Variants in PDE1C observed in about 807,000 individuals in gnomAD.
PDE1C encodes dual specificity calcium/calmodulin-dependent 3',5'-cyclic nucleotide phosphodiesterase 1C.
In PDE1C, 62 loss-of-function variants were observed where a neutral mutation model predicts 93.1. That is an observed-to-expected ratio of 0.67 (90% CI 0.54 to 0.82). The LOEUF (loss-of-function observed/expected upper bound fraction) is 0.82, where lower values mean the gene tolerates loss of function less well. Among genes scored for constraint, PDE1C ranks in the 40% least tolerant of loss-of-function variants. PDE1C has a pLI of 0.00. For synonymous variants in PDE1C, 325 were observed against 310.1 expected (o/e 1.05, Z -0.50); for missense variants, 742 against 884.6 (o/e 0.84, Z 2.04).
chr7:31,935,819 C>T (rs529858760), intron 2 of PDE1C, among the ~76,000 whole-genome samples: 32 of 151,818 alleles, frequency 2.1e-4, no homozygotes, highest in African/African-American at 6.3e-4. Context: ...CAGGGTCTAA[C>T]GTCACCAAGC....
intron 12 of PDE1C, among the ~76,000 whole-genome samples, chr7:31,825,595 T>A (rs1789551371): frequency 6.6e-6 from 1 of 152,144 alleles, no homozygotes; most frequent in African/African-American, 2.4e-5. Flanking sequence ...TTTTTAAATG[T>A]TCTTTGGAAA....
At chr7:31,630,264 A>G in the PDE1C span, among the ~76,000 whole-genome samples, 1 of 147,828 alleles carries the variant, frequency 6.8e-6, no homozygotes, top group African/African-American at 2.5e-5. Flanking sequence ...AAAAAAAAAC[A>G]TTGAAAATTA....
chr7:31,799,546 T>C lies in PDE1C; in HGVS notation c.1891+9485A>G, dbSNP rs544300897. On this transcript the variant is annotated intron_variant, in intron 16 of 17. Coordinates refer to ENST00000396191, the MANE Select transcript of PDE1C (RefSeq NM_001191057.4). ...CCATTTCAAACTAACTTGTTAGGAA[T>C]CATCTATTTTTTAAAAAATTAAAAA... Among the ~76,000 whole-genome samples, 207 of 151,804 alleles carry C rather than the reference T, an allele frequency of 1.4e-3. 2 individuals are homozygous for C. Among genetic ancestry groups the C allele is most frequent in the Middle Eastern group, 3.4e-3 (1 of 294 alleles).
the PDE1C span, among the ~76,000 whole-genome samples, chr7:31,712,547 C>T: frequency 3.9e-5 from 6 of 152,212 alleles, no homozygotes; most frequent in Non-Finnish European, 8.8e-5. Flanking sequence ...TCAAATCCTC[C>T]TACTCTCAGG....
chr7:31,796,495 T>TA (rs1263447675), intron 16 of PDE1C, among the ~76,000 whole-genome samples: 1 of 151,660 alleles, frequency 6.6e-6, no homozygotes, highest in Non-Finnish European at 1.5e-5. Flanking sequence ...TAAAAGTATA[T>TA]AAAAAATGCA....
chr7:32,252,146 T>C (rs1379242098), intron 1 of PDE1C, among the ~76,000 whole-genome samples: 2 of 152,258 alleles, frequency 1.3e-5, no homozygotes, highest in Admixed American at 1.3e-4. Flanking sequence ...CTCTCTGACC[T>C]GCTTACTTTT....
intron 5 of PDE1C, 35 bp downstream of exon 5, chr7:31,877,934 AC>A (rs955114817): frequency 7.2e-7 from 1 of 1,388,230 alleles, no homozygotes; most frequent in African/African-American, 1.4e-5. Context: ...TTTATTAGGT[AC>A]CATGTACATT....
At chr7:31,755,395 A>G (rs373265655) in intron 17 of PDE1C, among the ~76,000 whole-genome samples, 1 of 152,166 alleles carries the variant, frequency 6.6e-6, no homozygotes, top group African/African-American at 2.4e-5. Context: ...AAGTCACTAC[A>G]AATCTAGAAG....
intron 2 of PDE1C, among the ~76,000 whole-genome samples, chr7:31,901,327 G>A (rs1171447486): frequency 4.0e-5 from 6 of 151,344 alleles, no homozygotes; most frequent in Non-Finnish European, 5.9e-5. Flanking sequence ...ACAAAAATAA[G>A]TATCTTCCCA....
chr7:32,250,514 C>T (rs1204656324), intron 1 of PDE1C, among the ~76,000 whole-genome samples: 1 of 152,210 alleles, frequency 6.6e-6, no homozygotes, highest in African/African-American at 2.4e-5. Context: ...ACAAACCACA[C>T]TTTGAGAAAC....
At chr7:31,935,127 T>G (rs1295832231) in intron 2 of PDE1C, among the ~76,000 whole-genome samples, 1 of 152,152 alleles carries the variant, frequency 6.6e-6, no homozygotes, top group Non-Finnish European at 1.5e-5. Flanking sequence ...AGAACATGGA[T>G]AGTGCTAGCG....
chr7:32,308,137 C>G (rs533423125), intron 1 of PDE1C, among the ~76,000 whole-genome samples: 49 of 152,336 alleles, frequency 3.2e-4, no homozygotes, highest in Non-Finnish European at 4.7e-4. Context: ...ATTGCTAGCA[C>G]AGCAACAGTC....
chr7:31,918,428 G>A (rs1395887713), intron 2 of PDE1C, among the ~76,000 whole-genome samples: 1 of 152,230 alleles, frequency 6.6e-6, no homozygotes, highest in Non-Finnish European at 1.5e-5. Context: ...GAAGACCCAA[G>A]TGATTTCTCC....
At chr7:32,405,925 G>A (rs1020140685) in intron 1 of PDE1C, among the ~76,000 whole-genome samples, 1 of 152,174 alleles carries the variant, frequency 6.6e-6, no homozygotes, top group Admixed American at 6.5e-5. Flanking sequence ...GTATCCATTA[G>A]ATGAACACCC....
chr7:32,113,186 T>C lies in PDE1C; in HGVS notation c.308+56599A>G, dbSNP rs554700858. On this transcript the variant is annotated intron_variant, in intron 3 of 18. Transcript: ENST00000396193. ...CATGAAGTTTCAAAGCACCCTGTAG[T>C]TCCACCCGAGGGAAGAGTTATATTT... Among the ~76,000 whole-genome samples the C allele has an allele frequency of 2.1e-4, 30 of 141,472 alleles. 1 individual carries two copies. Among genetic ancestry groups the C allele is most frequent in the Admixed American group, 5.7e-4 (8 of 13,958 alleles). The allele number at this position is 141,472 out of a possible 152,430, so 92.8% of individuals were successfully genotyped here.
chr7:31,886,751 T>C (rs1374381021), intron 2 of PDE1C, among the ~76,000 whole-genome samples: 1 of 2,200 alleles, frequency 4.5e-4, no homozygotes, highest in Non-Finnish European at 6.3e-4. Flanking sequence ...GAGAGCAGAC[T>C]GAAGGCAGTG....
chr7:31,990,235 C>A (rs1783987817), intron 2 of PDE1C, among the ~76,000 whole-genome samples: 1 of 152,268 alleles, frequency 6.6e-6, no homozygotes, highest in Non-Finnish European at 1.5e-5. Context: ...GTAATTGAAT[C>A]ATGGGGACGG....
intron 2 of PDE1C, among the ~76,000 whole-genome samples, chr7:31,982,295 G>A (rs549495557): frequency 3.9e-4 from 59 of 152,258 alleles, no homozygotes; most frequent in Non-Finnish European, 6.6e-4. Flanking sequence ...CAAGCACATC[G>A]GTGTGAACTC....
chr7:32,341,173 C>CTT lies in PDE1C; in HGVS notation c.310+86647_310+86648dup, dbSNP rs3079623. On this transcript the variant is annotated intron_variant, in intron 1 of 1. Transcript: ENST00000672256. ...CCTAAAACTACTCTAGAAATAAAGT[C>CTT]TTTTTTTTTTTTTTTTTTTTGAGAC... Among the ~76,000 whole-genome samples, 71 of 84,952 alleles carry CTT rather than the reference C, an allele frequency of 8.4e-4. 3 individuals are homozygous for CTT. Among genetic ancestry groups the CTT allele is most frequent in the African/African-American group, 2.9e-3 (67 of 23,016 alleles). The allele number at this position is 84,952 out of a possible 152,430, so 55.7% of individuals were successfully genotyped here. A position where few individuals can be genotyped will look rare whatever the true frequency, so the allele number is the denominator to read the frequency against.
Sources: allele counts gnomAD v4.1 joint callset (sites outside exome capture counted in the v4.1 genomes callset), GRCh38; gene constraint gnomAD v4.1.1; transcripts MANE v1.5; gene names NCBI Gene and HGNC (gene_info 2026-07-23, HGNC 2026-07-21).